ADGRF1: variants seen among roughly 807,000 people sequenced by gnomAD.
ADGRF1 encodes the protein adhesion G protein-coupled receptor F1, also known as G protein-coupled receptor 110.
In ADGRF1, 85 loss-of-function variants were observed where a neutral mutation model predicts 87.2. The observed-to-expected ratio is 0.97, with a 90% CI of 0.82 to 1.17. ADGRF1 has a LOEUF of 1.17. Ranked by LOEUF, ADGRF1 falls within the 50% of genes most tolerant of loss-of-function variation. The probability of loss-of-function intolerance (pLI) is 0.00; values close to 1 mark genes in which losing one functional copy is unlikely to be tolerated. For synonymous variants in ADGRF1, 430 were observed against 408.8 expected (o/e 1.05, Z -0.63); for missense variants, 1,169 against 1,077.2 (o/e 1.09, Z -1.19).
intron 4 of ADGRF1, 43 bp downstream of exon 4, chr6:47,025,811 C>T (rs780545337): frequency 9.9e-6 from 15 of 1,521,642 alleles, no homozygotes; most frequent in Middle Eastern, 1.8e-4. Flanking sequence ...CTGATATACC[C>T]GCCTTCCCCA....
intron 3 of ADGRF1, among the ~76,000 whole-genome samples, chr6:47,026,947 G>T (rs965274732): frequency 7.2e-5 from 11 of 152,202 alleles, no homozygotes; most frequent in African/African-American, 2.2e-4. Flanking sequence ...AATGGCACTG[G>T]TTCTGGAGCC....
chr6:47,028,417 G>A (rs1180147696), intron 2 of ADGRF1, among the ~76,000 whole-genome samples: 2 of 152,252 alleles, frequency 1.3e-5, no homozygotes, highest in Admixed American at 1.3e-4. Context: ...TAGCTGGAAA[G>A]ATAGTGATAC....
intron 4 of ADGRF1, 129 bp from the exon 5 acceptor site, chr6:47,024,346 G>T: frequency 1.4e-6 from 1 of 710,970 alleles, no homozygotes. Context: ...GTTTTGTTTT[G>T]TTTTGTTGCC....
chr6:47,031,259 C>CTCTCTCTCTCT (rs1483732853), intron 1 of ADGRF1, among the ~76,000 whole-genome samples: 24 of 150,856 alleles, frequency 1.6e-4, no homozygotes, highest in Non-Finnish European at 2.4e-4. Context: ...CACTCTGTGT[C>CTCTCTCTCTCT]TCTCTCTCTC....
intron 13 of ADGRF1, among the ~76,000 whole-genome samples, chr6:47,002,594 T>C (rs1447110633): frequency 1.3e-5 from 2 of 152,156 alleles, no homozygotes; most frequent in Non-Finnish European, 2.9e-5. Flanking sequence ...TACTTCCTTG[T>C]GGTCTGGGAA....
At chr6:47,035,938 G>A (rs1024532937) in intron 1 of ADGRF1, among the ~76,000 whole-genome samples, 7 of 151,996 alleles carry the variant, frequency 4.6e-5, no homozygotes, top group African/African-American at 9.7e-5. Flanking sequence ...GGGCTGAAGC[G>A]CTACCTATTG....
intron 13 of ADGRF1, among the ~76,000 whole-genome samples, chr6:47,003,776 T>C (rs1016443598): frequency 6.6e-6 from 1 of 152,222 alleles, no homozygotes; most frequent in Admixed American, 6.5e-5. Context: ...AATCAAGCTG[T>C]AATTCAACCA....
chr6:47,012,128 A>G lies in ADGRF1; in HGVS notation c.995T>C (p.Val332Ala). 1 of 1,614,128 alleles carries G rather than the reference A, an allele frequency of 6.2e-7. No individual in the cohort carries two copies. Among genetic ancestry groups the G allele is most frequent in the Non-Finnish European group, 8.5e-7 (1 of 1,179,970 alleles). Residue 332 changes from valine (V) to alanine (A), a missense_variant, in exon 10 of 15, where the codon GTC becomes GCC. Val to Ala is a moderately conservative substitution (Grantham distance 64). Transcript: ENST00000371253. Reference protein sequence around the residue: ...AVSSFVQNLSVIIRQNPSTTV... With the variant: ...AVSSFVQNLSAIIRQNPSTTV... ...GGTTGATGGGTTTTGCCGAATGATG[A>G]CAGAAAGATTTTGCACGAAGGATGA...
At chr6:47,035,358 A>C (rs1780559475) in intron 1 of ADGRF1, among the ~76,000 whole-genome samples, 1 of 152,226 alleles carries the variant, frequency 6.6e-6, no homozygotes. Context: ...CATTTAAAGT[A>C]GGTAAAGTCC....
intron 12 of ADGRF1, 141 bp from the exon 13 acceptor site, chr6:47,006,017 A>G (rs892988823): frequency 3.5e-5 from 19 of 536,518 alleles, no homozygotes; most frequent in African/African-American, 2.1e-4. Flanking sequence ...GATATCTGGT[A>G]GAAAGATTAT....
intron 4 of ADGRF1, among the ~76,000 whole-genome samples, chr6:47,025,245 C>G (rs377713798): frequency 9.2e-5 from 14 of 152,042 alleles, no homozygotes; most frequent in Non-Finnish European, 1.9e-4. Context: ...AGCTTTATTG[C>G]GACACAGAAT....
At chr6:47,017,377 A>T (rs556332271) in intron 7 of ADGRF1, 3 of 152,346 alleles carry the variant, frequency 2.0e-5, no homozygotes, top group Non-Finnish European at 4.4e-5. Flanking sequence ...TGTAGAAAAC[A>T]GATGGAAGGG....
intron 9 of ADGRF1, chr6:47,013,181 C>T: frequency 2.0e-6 from 2 of 985,512 alleles, no homozygotes; most frequent in Non-Finnish European, 2.4e-6. Context: ...AACATTAAGT[C>T]CACTCAGGCG....
At position 47,009,267 on chromosome 6, in the gene ADGRF1, G is replaced by A; in HGVS notation, c.2168C>T (p.Pro723Leu). The change falls in exon 11 of 15, where the codon CCT becomes CTT. Residue 723 changes from proline (P) to leucine (L), a missense_variant. Coordinates refer to ENST00000371253, the MANE Select transcript of ADGRF1 (RefSeq NM_153840.4). ...ISVITIAVTQ[P>L]SNTYKRKDVC... ...ATCTTTCCTTTTGTAGGTATTGCTAGGTTGCGTGACAGCAATGGTAATGAC... is the reference window on the plus strand; with the variant it reads ...ATCTTTCCTTTTGTAGGTATTGCTAAGTTGCGTGACAGCAATGGTAATGAC... The A allele has an allele frequency of 6.2e-7, 1 of 1,614,156 alleles. No individual in the cohort carries two copies.
intron 1 of ADGRF1, among the ~76,000 whole-genome samples, chr6:47,029,806 G>A (rs1330115081): frequency 2.0e-5 from 3 of 152,174 alleles, no homozygotes; most frequent in Non-Finnish European, 4.4e-5. Flanking sequence ...CAGTTGCTCA[G>A]TCACATTGAC....
At position 47,003,648 on chromosome 6, in the gene ADGRF1, TC is replaced by T. The variant is rs1385702075; in HGVS notation, c.2593-2082del. Among the ~76,000 whole-genome samples the T allele has an allele frequency of 2.0e-5, 3 of 152,342 alleles. No homozygotes were observed. In the East Asian group the frequency reaches 5.8e-4, roughly 29 times the overall value. ...AATTGCCAATGAGAAAATCTTTGAA[TC>T]CATCTATGACGTGGAAGCCCTCCTG... is the stretch of plus-strand genomic sequence containing the variant. On this transcript the variant is annotated intron_variant, in intron 13 of 14. Transcript: ENST00000371253.
intron 10 of ADGRF1, among the ~76,000 whole-genome samples, chr6:47,011,242 C>A (rs1004924821): frequency 6.6e-6 from 1 of 152,110 alleles, no homozygotes; most frequent in African/African-American, 2.4e-5. Context: ...TTTTCTTTAA[C>A]TCAGGGAGTT....
intron 1 of ADGRF1, among the ~76,000 whole-genome samples, chr6:47,041,245 T>C (rs925633743): frequency 1.3e-5 from 2 of 152,236 alleles, no homozygotes; most frequent in African/African-American, 4.8e-5. Flanking sequence ...GTTTTCTTAA[T>C]GACAACAGAG....
intron 8 of ADGRF1, among the ~76,000 whole-genome samples, chr6:47,015,589 T>C (rs1476286690): frequency 6.6e-6 from 1 of 151,524 alleles, no homozygotes; most frequent in Non-Finnish European, 1.5e-5. Flanking sequence ...TATTTATTTA[T>C]TTATTTATTT....
Sources: allele counts gnomAD v4.1 joint callset (sites outside exome capture counted in the v4.1 genomes callset), GRCh38; gene constraint gnomAD v4.1.1; transcripts MANE v1.5; gene names NCBI Gene and HGNC (gene_info 2026-07-23, HGNC 2026-07-21).